Variants in CNTNAP2 observed in about 807,000 individuals in gnomAD.
CNTNAP2 encodes contactin-associated protein-like 2.
A neutral mutation model predicts 155.2 loss-of-function variants in CNTNAP2; 98 were observed. The observed-to-expected ratio is 0.63, with a 90% CI of 0.54 to 0.75. The LOEUF (loss-of-function observed/expected upper bound fraction) is 0.75. CNTNAP2 is among the 30% of genes least tolerant of loss of function. CNTNAP2 has a pLI of 0.00. For synonymous variants in CNTNAP2, 651 were observed against 631.2 expected (o/e 1.03, Z -0.47); for missense variants, 1,727 against 1,688.1 (o/e 1.02, Z -0.40).
At chr7:146,632,680 T>G (rs953851806) in intron 1 of CNTNAP2, among the ~76,000 whole-genome samples, 1 of 152,052 alleles carries the variant, frequency 6.6e-6, no homozygotes, top group African/African-American at 2.4e-5. Flanking sequence ...TATCAAAGAT[T>G]ATAAAAAATA....
chr7:146,737,478 A>G (rs1480945387), intron 1 of CNTNAP2, among the ~76,000 whole-genome samples: 1 of 152,114 alleles, frequency 6.6e-6, no homozygotes, highest in African/African-American at 2.4e-5. Context: ...TTTTATTTCT[A>G]TGGGATGAAC....
At chr7:148,243,453 CAAAAG>C (rs1796195881) in intron 20 of CNTNAP2, among the ~76,000 whole-genome samples, 2 of 152,056 alleles carry the variant, frequency 1.3e-5, no homozygotes, top group East Asian at 3.9e-4. Flanking sequence ...GCGTAATTTA[CAAAAG>C]AAAAGGGTTT....
chr7:147,028,783 G>C (rs538702106), intron 3 of CNTNAP2, among the ~76,000 whole-genome samples: 12 of 152,010 alleles, frequency 7.9e-5, no homozygotes, highest in Non-Finnish European at 1.5e-4. Context: ...ACAGGAATAA[G>C]CAAAATATTC....
intron 1 of CNTNAP2, among the ~76,000 whole-genome samples, chr7:146,511,967 C>G (rs1797473144): frequency 6.6e-6 from 1 of 151,994 alleles, no homozygotes; most frequent in Non-Finnish European, 1.5e-5. Context: ...TTGGTCTGTT[C>G]AGATGTTCTA....
chr7:146,130,185 G>A (rs1431166937), intron 1 of CNTNAP2, among the ~76,000 whole-genome samples: 1 of 152,222 alleles, frequency 6.6e-6, no homozygotes. Flanking sequence ...AGTCGGGCCG[G>A]GCGTGGTGGC....
At chr7:147,488,972 C>T (rs1286045924) in intron 11 of CNTNAP2, among the ~76,000 whole-genome samples, 1 of 152,188 alleles carries the variant, frequency 6.6e-6, no homozygotes, top group Non-Finnish European at 1.5e-5. Context: ...GTCATTTCAT[C>T]ACTTTCAGAG....
chr7:147,062,281 T>C (rs1417606382), intron 4 of CNTNAP2, among the ~76,000 whole-genome samples: 1 of 151,780 alleles, frequency 6.6e-6, no homozygotes, highest in African/African-American at 2.4e-5. Context: ...TTGTGATTTA[T>C]ATGTCACAAT....
At chr7:147,031,607 T>C (rs1358041722) in intron 3 of CNTNAP2, among the ~76,000 whole-genome samples, 1 of 152,224 alleles carries the variant, frequency 6.6e-6, no homozygotes, top group Admixed American at 6.5e-5. Flanking sequence ...TTGATTACTT[T>C]ATTATGAAGT....
chr7:147,719,350 A>G (rs1243555469), intron 13 of CNTNAP2, among the ~76,000 whole-genome samples: 1 of 152,148 alleles, frequency 6.6e-6, no homozygotes, highest in Non-Finnish European at 1.5e-5. Context: ...CCAAAAACCA[A>G]TGACTGATTG....
chr7:148,041,549 A>G (rs1802676058), intron 15 of CNTNAP2, among the ~76,000 whole-genome samples: 1 of 152,242 alleles, frequency 6.6e-6, no homozygotes, highest in South Asian at 2.1e-4. Flanking sequence ...GAGTAGCTGT[A>G]GAGAGTGAAA....
intron 1 of CNTNAP2, among the ~76,000 whole-genome samples, chr7:146,125,003 G>A (rs559866130): frequency 2.6e-5 from 4 of 152,148 alleles, no homozygotes; most frequent in African/African-American, 7.2e-5. Context: ...CAGTTTTTCA[G>A]CTAATAAAGT....
intron 1 of CNTNAP2, among the ~76,000 whole-genome samples, chr7:146,173,875 A>G (rs778974484): frequency 1.3e-5 from 2 of 152,188 alleles, no homozygotes; most frequent in South Asian, 2.1e-4. Context: ...GCTATTACCA[A>G]TGCACAGCTC....
intron 11 of CNTNAP2, among the ~76,000 whole-genome samples, chr7:147,531,534 A>C (rs1799430780): frequency 6.6e-6 from 1 of 152,168 alleles, no homozygotes; most frequent in South Asian, 2.1e-4. Context: ...CAAGCTGTAC[A>C]TTGGCCCCTT....
rs1796755103 is a variant in CNTNAP2, at chr7:146,468,943, T to C, written c.98-305328T>C. On this transcript the variant is annotated intron_variant, in intron 1 of 23. Coordinates refer to ENST00000361727, the MANE Select transcript of CNTNAP2 (RefSeq NM_014141.6). ...AATTAGAAAAGTGTTTAAAAAAAAC[T>C]GTGGAAGAAAAAGAGGCACAGGATA... 2.0e-5 allele frequency among the ~76,000 whole-genome samples: 3 copies of C among 152,044 alleles called. No individual in the cohort carries two copies. The South Asian group carries it at 6.2e-4, about 31-fold the overall frequency.
intron 14 of CNTNAP2, among the ~76,000 whole-genome samples, chr7:147,962,881 A>C (rs534502574): frequency 6.6e-6 from 1 of 152,298 alleles, no homozygotes; most frequent in East Asian, 1.9e-4. Flanking sequence ...CCCTTTTCTT[A>C]AACAGAATAC....
At chr7:146,781,042 C>A (rs190145099) in intron 2 of CNTNAP2, among the ~76,000 whole-genome samples, 106 of 151,982 alleles carry the variant, frequency 7.0e-4, no homozygotes, top group African/African-American at 2.5e-3. Context: ...TCCTGGCTAA[C>A]GTGGTGAAAT....
intron 13 of CNTNAP2, among the ~76,000 whole-genome samples, chr7:147,728,270 T>C (rs948154267): frequency 2.0e-5 from 3 of 152,074 alleles, no homozygotes; most frequent in African/African-American, 7.2e-5. Flanking sequence ...ACAGTCATAA[T>C]GGTAAATAAA....
At chr7:146,354,596 G>A (rs1192787777) in intron 1 of CNTNAP2, among the ~76,000 whole-genome samples, 1 of 151,914 alleles carries the variant, frequency 6.6e-6, no homozygotes, top group African/African-American at 2.4e-5. Context: ...TGTATTTTTA[G>A]TAAAGATGGG....
chr7:146,300,495 C>G (rs1800588837), intron 1 of CNTNAP2, among the ~76,000 whole-genome samples: 1 of 152,026 alleles, frequency 6.6e-6, no homozygotes. Flanking sequence ...AATTGAAGAA[C>G]AGCTTACTAA....
Sources: gnomAD v4.1 joint callset for allele counts (sites outside exome capture counted in the v4.1 genomes callset) on GRCh38, gnomAD v4.1.1 for gene constraint, MANE v1.5 for transcripts, NCBI Gene and HGNC (gene_info 2026-07-23, HGNC 2026-07-21) for gene names.